The following PDGFD variants were observed in gnomAD, a reference collection of about 807,000 sequenced individuals.
PDGFD encodes platelet derived growth factor D, also known as platelet-derived growth factor D.
Under a neutral mutation model 44.7 loss-of-function variants are expected in PDGFD, and 30 were observed. The observed-to-expected ratio is 0.67, with a 90% confidence interval of 0.50 to 0.91. The LOEUF (loss-of-function observed/expected upper bound fraction) is 0.91, where lower values mean the gene tolerates loss of function less well. PDGFD is among the 40% of genes least tolerant of loss of function. The pLI is 0.00. For synonymous variants in PDGFD, 173 were observed against 168.4 expected (o/e 1.03, Z -0.21); for missense variants, 445 against 457.8 (o/e 0.97, Z 0.25).
rs143443397 is a variant in PDGFD, at chr11:104,111,910, T to A, written c.124+51894A>T. Among the ~76,000 whole-genome samples, 4 of 152,294 alleles carry A rather than the reference T, an allele frequency of 2.6e-5. No individual in the cohort carries two copies. In the East Asian group the frequency reaches 7.7e-4, roughly 29 times the overall value. ...CTGCTTCAAAAAGTAGCTTGTAACC[T>A]GTATTGCTTGCTAGAGAAATATACA... On this transcript the variant is annotated intron_variant, in intron 1 of 6. Coordinates refer to ENST00000393158, the MANE Select transcript of PDGFD (RefSeq NM_025208.5).
At chr11:104,056,841 A>G (rs1178990038) in intron 1 of PDGFD, among the ~76,000 whole-genome samples, 1 of 152,204 alleles carries the variant, frequency 6.6e-6, no homozygotes, top group Non-Finnish European at 1.5e-5. Flanking sequence ...AATATCATAA[A>G]AAAACCGGCT....
intron 2 of PDGFD, among the ~76,000 whole-genome samples, chr11:103,996,894 G>T (rs778567255): frequency 6.6e-6 from 1 of 152,178 alleles, no homozygotes; most frequent in African/African-American, 2.4e-5. Flanking sequence ...TTAAACCAGG[G>T]TGTGAATGAG....
chr11:104,037,256 T>G lies in PDGFD; in HGVS notation c.125-37001A>C, dbSNP rs141440320. 36 of 1,613,388 alleles carry G rather than the reference T, an allele frequency of 2.2e-5. No individual in the cohort carries two copies. Among genetic ancestry groups the G allele is most frequent in the African/African-American group, 2.7e-5 (2 of 74,924 alleles). On this transcript the variant is annotated intron_variant, in intron 1 of 6. Transcript: ENST00000393158. Reference sequence around the variant, plus strand: ...CTGCAAGGTCTGGGCAGCCCCGCCCTGATCCGCAGCATGCTGCTCTCCAAC... The same window carrying G: ...CTGCAAGGTCTGGGCAGCCCCGCCCGGATCCGCAGCATGCTGCTCTCCAAC...
chr11:103,947,162 G>A (rs1204165294), intron 4 of PDGFD, among the ~76,000 whole-genome samples: 3 of 152,118 alleles, frequency 2.0e-5, no homozygotes, highest in Admixed American at 6.6e-5. Flanking sequence ...ACAGCTTCAG[G>A]GTGAGTTATG....
chr11:104,119,734 T>C (rs1451365971), intron 1 of PDGFD, among the ~76,000 whole-genome samples: 2 of 106,736 alleles, frequency 1.9e-5, no homozygotes, highest in East Asian at 5.6e-4. Context: ...ATAAATATAA[T>C]AGAAATATAT....
intron 5 of PDGFD, among the ~76,000 whole-genome samples, chr11:103,927,859 T>C (rs1361321264): frequency 6.6e-6 from 1 of 152,218 alleles, no homozygotes; most frequent in Non-Finnish European, 1.5e-5. Flanking sequence ...TCCTCATCTA[T>C]AACATGTAAT....
intron 6 of PDGFD, among the ~76,000 whole-genome samples, chr11:103,910,270 T>C (rs1043945067): frequency 3.9e-5 from 6 of 152,236 alleles, no homozygotes; most frequent in Non-Finnish European, 8.8e-5. Context: ...TCTAAATCTT[T>C]GGTTGAAGTA....
Position 103,909,679 on chromosome 11 carries a change from G to T in PDGFD, c.*15C>A. 6.2e-7 allele frequency: 1 copy of T among 1,613,930 alleles called. No individual in the cohort carries two copies. Among genetic ancestry groups the T allele is most frequent in the South Asian group, 1.1e-5 (1 of 91,072 alleles). ...AAGGTTCTTTCAGGCTTAATGTAAGGATGTGCACATTCTCTTATCGAGGTG... is the reference window on the plus strand; with the variant it reads ...AAGGTTCTTTCAGGCTTAATGTAAGTATGTGCACATTCTCTTATCGAGGTG... On this transcript the variant is annotated 3_prime_UTR_variant, in exon 7 of 7. Coordinates refer to ENST00000393158, the MANE Select transcript of PDGFD (RefSeq NM_025208.5).
intron 1 of PDGFD, among the ~76,000 whole-genome samples, chr11:104,040,888 T>G (rs1412372177): frequency 6.6e-6 from 1 of 152,150 alleles, no homozygotes; most frequent in Non-Finnish European, 1.5e-5. Context: ...TAGTCTTACT[T>G]TTTAAAATTA....
At chr11:103,925,739 A>AT (rs1591079077) in intron 6 of PDGFD, among the ~76,000 whole-genome samples, 1 of 133,458 alleles carries the variant, frequency 7.5e-6, no homozygotes, top group African/African-American at 2.7e-5. Flanking sequence ...ATATATATGT[A>AT]ATTTTTTTTT....
chr11:104,079,628 C>T lies in PDGFD; in HGVS notation c.125-79373G>A, dbSNP rs181096776. The stretch of plus-strand genomic sequence containing the variant: ...GGTCTCAAACTCCCGACCTCATTAT[C>T]CACCTGCCTCAGCCTCCCAAAGTGC... On this transcript the variant is annotated intron_variant, in intron 1 of 6. Coordinates refer to ENST00000393158, the MANE Select transcript of PDGFD (RefSeq NM_025208.5). 2.4e-3 allele frequency among the ~76,000 whole-genome samples: 358 copies of T among 152,214 alleles called. 1 individual carries two copies. Among genetic ancestry groups the T allele is most frequent in the Non-Finnish European group, 4.1e-3 (276 of 68,010 alleles).
At chr11:103,992,703 A>G (rs1012489270) in intron 3 of PDGFD, among the ~76,000 whole-genome samples, 1 of 152,214 alleles carries the variant, frequency 6.6e-6, no homozygotes, top group Admixed American at 6.5e-5. Context: ...ATAAGCATCA[A>G]TCCCAACCAA....
At chr11:103,933,835 G>A (rs1180165765) in intron 5 of PDGFD, among the ~76,000 whole-genome samples, 1 of 152,184 alleles carries the variant, frequency 6.6e-6, no homozygotes, top group African/African-American at 2.4e-5. Flanking sequence ...CAGCACATAT[G>A]TACTGGAAAA....
chr11:104,114,820 A>G (rs1335790196), intron 1 of PDGFD, among the ~76,000 whole-genome samples: 2 of 151,520 alleles, frequency 1.3e-5, no homozygotes, highest in African/African-American at 4.8e-5. Context: ...ATATTTCATT[A>G]GATGTATACT....
intron 1 of PDGFD, among the ~76,000 whole-genome samples, chr11:104,134,613 T>A (rs943008531): frequency 6.6e-6 from 1 of 152,190 alleles, no homozygotes; most frequent in African/African-American, 2.4e-5. Context: ...GCACTTCCAA[T>A]GTGTCAGGTC....
At chr11:104,047,501 G>T (rs192343810) in intron 1 of PDGFD, among the ~76,000 whole-genome samples, 1 of 146,894 alleles carries the variant, frequency 6.8e-6, no homozygotes, top group Admixed American at 6.8e-5. Flanking sequence ...GTGATGATGC[G>T]CTTTTTTTCA....
At chr11:104,163,783 A>C in intron 1 of PDGFD, 21 bp downstream of exon 1, 3 of 1,507,912 alleles carry the variant, frequency 2.0e-6, no homozygotes, top group Non-Finnish European at 2.7e-6. Flanking sequence ...TTTCAGTTAA[A>C]AAATAAAATG....
intron 1 of PDGFD, chr11:104,036,632 C>G: frequency 1.7e-6 from 1 of 602,216 alleles, no homozygotes. Flanking sequence ...CCTGGCCACA[C>G]AGCAGGCACT....
chr11:104,020,236 A>G (rs1859929265), intron 1 of PDGFD, among the ~76,000 whole-genome samples: 1 of 152,020 alleles, frequency 6.6e-6, no homozygotes, highest in African/African-American at 2.4e-5. Context: ...CCTTGACACT[A>G]TTTCTAGAAA....
Sources: allele counts gnomAD v4.1 joint callset (sites outside exome capture counted in the v4.1 genomes callset), GRCh38; gene constraint gnomAD v4.1.1; transcripts MANE v1.5; gene names NCBI Gene and HGNC (gene_info 2026-07-23, HGNC 2026-07-21).